Variants in SON observed in about 807,000 individuals in gnomAD.
SON encodes SON DNA and RNA binding protein.
A neutral mutation model predicts 173.3 loss-of-function variants in SON; 4 were observed. The ratio of observed to expected loss-of-function variants is 0.02; its 90% CI spans 0.01 to 0.05. The LOEUF (loss-of-function observed/expected upper bound fraction) is 0.05, where lower values mean the gene tolerates loss of function less well. Among genes scored for constraint, SON ranks in the 10% least tolerant of loss-of-function variants. The probability of loss-of-function intolerance (pLI) is 1.00; values close to 1 mark genes in which losing one functional copy is unlikely to be tolerated. For synonymous variants in SON, 1,190 were observed against 1,105.9 expected (o/e 1.08, Z -1.51); for missense variants, 2,626 against 3,055.3 (o/e 0.86, Z 3.31).
intron 9 of SON, 171 bp from the exon 10 acceptor site, chr21:33,575,425 C>A: frequency 2.1e-6 from 1 of 486,652 alleles, no homozygotes; most frequent in Non-Finnish European, 3.6e-6. Flanking sequence ...AATTTATATG[C>A]TGAAAAACAG....
intron 8 of SON, chr21:33,572,148 T>C (rs2086297302): frequency 6.7e-6 from 1 of 149,316 alleles, no homozygotes; most frequent in African/African-American, 2.4e-5. Flanking sequence ...CTCTCTCTGT[T>C]GATAAGTTAA....
At chr21:33,563,896 A>C (rs1327296003) in intron 6 of SON, among the ~76,000 whole-genome samples, 1 of 152,278 alleles carries the variant, frequency 6.6e-6, no homozygotes, top group East Asian at 1.9e-4. Context: ...GAATTTGGGC[A>C]GTTTTTATTT....
rs768299561 is a variant in SON at position 33,559,691 on chromosome 21, T to G, written c.6573T>G (p.Val2191=). Residue 2191 remains valine, a synonymous_variant, in exon 6 of 12, where the codon GTT becomes GTG. Coordinates refer to ENST00000356577, the MANE Select transcript of SON (RefSeq NM_138927.4). The surrounding 1 kb of genome is among the most constrained non-coding windows in gnomAD (Gnocchi z 4.1). ...SQHRKKEADS[V]YGEWVPVEKN... is the part of the protein sequence containing the mutation. The stretch of plus-strand genomic sequence containing the variant: ...ATCGGAAAAAAGAAGCGGATAGTGT[T>G]TATGGAGAATGGGTTCCTGTGGAGA... 4 of 1,613,994 alleles carry G rather than the reference T, an allele frequency of 2.5e-6. No individual in the cohort carries two copies. The African/African-American group carries it at 5.3e-5, about 22-fold the overall frequency.
chr21:33,546,403 C>G, intron 2 of SON, 24 bp downstream of exon 2: 2 of 1,563,408 alleles, frequency 1.3e-6, no homozygotes, highest in South Asian at 2.4e-5. Flanking sequence ...AATTAACTGT[C>G]TCAAAAATTT....
intron 6 of SON, among the ~76,000 whole-genome samples, chr21:33,566,952 G>A (rs1227281652): frequency 6.6e-6 from 1 of 152,090 alleles, no homozygotes; most frequent in Non-Finnish European, 1.5e-5. Flanking sequence ...TCTGCGACCT[G>A]TGTGATACTT....
At chr21:33,569,555 G>A (rs547643117) in intron 8 of SON, 258 of 408,460 alleles carry the variant, frequency 6.3e-4, no homozygotes, top group African/African-American at 5.1e-3. Flanking sequence ...CTTTGCCCTC[G>A]CACCCCACCC....
chr21:33,557,687 C>T (rs1051537652), intron 4 of SON: 25 of 1,468,200 alleles, frequency 1.7e-5, no homozygotes, highest in Non-Finnish European at 2.0e-5. Context: ...ACTGCATATA[C>T]GCAAAGACAC....
chr21:33,550,156 T>G lies in SON; in HGVS notation c.925T>G (p.Ser309Ala), dbSNP rs1392490860. Residue 309 changes from serine (S) to alanine (A), a missense_variant, in exon 3 of 12, where the codon TCA becomes GCA. Around this residue, in one of 13 missense-constraint regions of SON, gnomAD observed 757 missense variants for 730.1 expected, o/e 1.04. Transcript: ENST00000356577. The stretch of plus-strand genomic sequence containing the variant: ...AGAGCCTTCAGAAACCCTTGTGGTA[T>G]CATCAGAGACACCTACTGAGGTGTA... ...VLEPSETLVV[S>A]SETPTEVYPE... 1 of 1,614,074 alleles carries G rather than the reference T, an allele frequency of 6.2e-7. No homozygotes were observed. The highest frequency in any genetic ancestry group is 8.5e-7 in the Non-Finnish European group (1 of 1,180,034).
chr21:33,551,260 TCGA>T lies in SON; in HGVS notation c.2034_2036del (p.Thr679del). The T allele has an allele frequency of 6.2e-7, 1 of 1,613,892 alleles. No individual in the cohort carries two copies. Among genetic ancestry groups the T allele is most frequent in the Non-Finnish European group, 8.5e-7 (1 of 1,179,918 alleles). On this transcript the variant is annotated inframe_deletion, in exon 3 of 12. Transcript: ENST00000356577. Reference sequence around the variant, plus strand: ...CGTGTCGCAGTCCCTGGAGGTGCCCTCGACGACAGCGCTGGAATCCTATAATAC... The same window carrying T: ...CGTGTCGCAGTCCCTGGAGGTGCCCTCGACAGCGCTGGAATCCTATAATAC...
At chr21:33,558,564 T>A (rs552450591) in intron 4 of SON, 15 of 152,334 alleles carry the variant, frequency 9.8e-5, no homozygotes, top group African/African-American at 3.4e-4. Context: ...CTTCTATTGC[T>A]TATTTACCTA....
intron 6 of SON, among the ~76,000 whole-genome samples, chr21:33,561,577 A>G (rs1465340786): frequency 6.6e-6 from 1 of 152,164 alleles, no homozygotes; most frequent in Non-Finnish European, 1.5e-5. Context: ...CTTCGGTTCA[A>G]TCATGGGGAA....
At position 33,573,161 on chromosome 21, in the gene SON, TGTATAAA is replaced by T. The variant is rs140454087; in HGVS notation, c.6886-141_6886-135del. The T allele has an allele frequency of 3.0e-4, 182 of 611,322 alleles. 2 individuals are homozygous for T. In the East Asian group the frequency reaches 4.9e-3, roughly 17 times the overall value. 37.9% of individuals were successfully genotyped at this position (611,322 alleles called of 1,614,324 possible). Reference sequence around the variant, plus strand: ...TAATCAGAACATACACACTACAGTATGTATAAAGTATAGAGGAATTTACATTTAATTG... The same window carrying T: ...TAATCAGAACATACACACTACAGTATGTATAGAGGAATTTACATTTAATTG... On this transcript the variant is annotated intron_variant, in intron 8 of 11. Coordinates refer to ENST00000356577, the MANE Select transcript of SON (RefSeq NM_138927.4).
intron 8 of SON, among the ~76,000 whole-genome samples, chr21:33,570,960 C>T (rs540718207): frequency 2.6e-5 from 4 of 152,038 alleles, no homozygotes; most frequent in African/African-American, 9.6e-5. Context: ...TTGGTTTTCC[C>T]CTAAAATAAT....
intron 6 of SON, among the ~76,000 whole-genome samples, chr21:33,561,636 G>A (rs933930444): frequency 6.6e-5 from 10 of 150,920 alleles, no homozygotes; most frequent in African/African-American, 2.5e-4. Context: ...GAGAGAGAGT[G>A]TGTGTGTGCG....
chr21:33,574,793 A>T (rs2086362751), intron 9 of SON, among the ~76,000 whole-genome samples: 1 of 152,224 alleles, frequency 6.6e-6, no homozygotes, highest in Non-Finnish European at 1.5e-5. Context: ...CAATGTAGCT[A>T]ATCCCCTTTG....
At chr21:33,546,153 G>A (rs1196166769) in intron 1 of SON, 60 bp from the exon 2 acceptor site, 1 of 1,431,766 alleles carries the variant, frequency 7.0e-7, no homozygotes, top group African/African-American at 1.5e-5. Context: ...TAATTAATTG[G>A]ATTTTTTTAT....
At position 33,546,171 on chromosome 21, in the gene SON, A is replaced by G. The variant is rs757119701; in HGVS notation, c.78-42A>G. On this transcript the variant is annotated intron_variant, in intron 1 of 11. Coordinates refer to ENST00000356577, the MANE Select transcript of SON (RefSeq NM_138927.4). ...TTAATTGGATTTTTTTATTAATGGTATGATAAAATATTAATGAATTTCGAT... is the reference window on the plus strand; with the variant it reads ...TTAATTGGATTTTTTTATTAATGGTGTGATAAAATATTAATGAATTTCGAT... The G allele has an allele frequency of 6.6e-6, 10 of 1,508,716 alleles. No homozygotes were observed. The South Asian group carries it at 1.1e-4, about 17-fold the overall frequency. The allele number at this position is 1,508,716 out of a possible 1,614,324, so 93.5% of individuals were successfully genotyped here.
rs774602832 is a variant in SON at position 33,560,152 on chromosome 21, A to T, written c.6657+377A>T. ...GGTAGCAAATTTATCGGGTGGAGGG[A>T]TTGATCGGAGAGGGCAGATCCTCAG... On this transcript the variant is annotated intron_variant, in intron 6 of 11. Transcript: ENST00000356577. 3.1e-6 allele frequency: 5 copies of T among 1,603,946 alleles called. 1 individual carries two copies. In the South Asian group the frequency reaches 4.5e-5, roughly 14 times the overall value.
At position 33,553,830 on chromosome 21, in the gene SON, C is replaced by G; in HGVS notation, c.4599C>G (p.Asp1533Glu). ...FYESEHGINIDLNINNHLIAK... is the reference protein window; with the variant it reads ...FYESEHGINIELNINNHLIAK... The stretch of plus-strand genomic sequence containing the variant: ...AAAGTGAACATGGTATAAATATAGA[C>G]CTTAATATAAATAATCATTTAATTG... Residue 1533 changes from aspartate (D) to glutamate (E), a missense_variant, in exon 3 of 12, where the codon GAC becomes GAG. Physicochemically the swap from Asp to Glu is conservative, Grantham distance 45 (BLOSUM62 2). This residue lies in a region of SON where 1,006 missense variants were observed against 895.6 expected (regional missense o/e 1.12). Transcript: ENST00000356577. The G allele has an allele frequency of 6.2e-7, 1 of 1,613,782 alleles. No homozygotes were observed. Among genetic ancestry groups the G allele is most frequent in the Non-Finnish European group, 8.5e-7 (1 of 1,179,800 alleles).
Sources: gnomAD v4.1 joint callset for allele counts (sites outside exome capture counted in the v4.1 genomes callset) on GRCh38, gnomAD v4.1.1 for gene constraint, gnomAD v4.1.1 regional missense constraint, Gnocchi (gnomAD v3.1) non-coding constraint, MANE v1.5 for transcripts, NCBI Gene and HGNC (gene_info 2026-07-23, HGNC 2026-07-21) for gene names.